The following FAXC variants were observed in gnomAD, a reference collection of about 807,000 sequenced individuals.
FAXC encodes failed axon connections homolog.
FAXC carries 10 observed loss-of-function variants against 41.9 expected under a neutral mutation model. That is an observed-to-expected ratio of 0.24 (90% CI 0.15 to 0.41). The LOEUF is 0.41. FAXC is among the 10% of genes least tolerant of loss of function. The pLI, the probability that FAXC is intolerant of heterozygous loss-of-function variation, is 1.00. For missense variants in FAXC, 399 were observed against 510.9 expected, an observed-to-expected ratio of 0.78 and a Z score of 2.11; for synonymous variants, 183 against 183.8, an observed-to-expected ratio of 1.00 and a Z score of 0.03.
At chr6:99,330,771 C>T (rs929662810) in intron 3 of FAXC, among the ~76,000 whole-genome samples, 6 of 152,176 alleles carry the variant, frequency 3.9e-5, no homozygotes, top group East Asian at 1.9e-4. Context: ...CAAGATATCA[C>T]GGAAAGCTCA....
intron 4 of FAXC, among the ~76,000 whole-genome samples, chr6:99,315,645 C>G (rs570952494): frequency 6.6e-6 from 1 of 152,198 alleles, no homozygotes; most frequent in South Asian, 2.1e-4. Flanking sequence ...AAAATAACAT[C>G]GCAGTTTCCA....
Position 99,278,428 on chromosome 6 carries a change from G to C in FAXC, c.*2736C>G, listed in dbSNP as rs1770706529. The stretch of plus-strand genomic sequence containing the variant: ...TAACATTAAAGATCACATACTTCAA[G>C]TTACCTTCCAGCAAAAAGGAAACAC... On this transcript the variant is annotated 3_prime_UTR_variant, in exon 6 of 6. Coordinates refer to ENST00000389677, the MANE Select transcript of FAXC (RefSeq NM_032511.4). 6.6e-6 allele frequency: 1 copy of C among 152,174 alleles called. No individual in the cohort carries two copies. The highest frequency in any genetic ancestry group is 6.5e-5 in the Admixed American group (1 of 15,272). The allele number at this position is 152,174 out of a possible 1,614,324, so 9.4% of individuals were successfully genotyped here.
rs1770824209 is a variant in FAXC, at chr6:99,281,322, G to C, written c.1072C>G (p.Leu358Val). Residue 358 changes from leucine to valine, a missense_variant, in exon 6 of 6, where the codon CTG (leucine) becomes GTG (valine). Coordinates refer to ENST00000389677, the MANE Select transcript of FAXC (RefSeq NM_032511.4). Reference protein sequence around the residue: ...SSEGSKTHTPLLDFSFYSRTE... With the variant: ...SSEGSKTHTPVLDFSFYSRTE... ...CTTGAGTAAAAGCTAAAATCCAGCA[G>C]CGGGGTGTGGGTTTTGCTGCCTTCG... The C allele has an allele frequency of 6.2e-7, 1 of 1,614,092 alleles. No homozygotes were observed. The highest frequency in any genetic ancestry group is 1.3e-5 in the African/African-American group (1 of 74,936).
In FAXC at chr6:99,277,634, G is replaced by C. The variant is rs1409024243; in HGVS notation, c.*3530C>G. The C allele has an allele frequency of 6.6e-6, 1 of 152,246 alleles. No individual in the cohort carries two copies. Among genetic ancestry groups the C allele is most frequent in the African/African-American group, 2.4e-5 (1 of 41,442 alleles). 9.4% of individuals were successfully genotyped at this position (152,246 alleles called of 1,614,324 possible). ...AGGCTGACAGGACATGGACAAAAGCGAAGTAGGATTCCAACCAGGGAATGG... is the reference window on the plus strand; with the variant it reads ...AGGCTGACAGGACATGGACAAAAGCCAAGTAGGATTCCAACCAGGGAATGG... On this transcript the variant is annotated 3_prime_UTR_variant, in exon 6 of 6. Coordinates refer to ENST00000389677, the MANE Select transcript of FAXC (RefSeq NM_032511.4).
rs752781781 is a variant in FAXC, at chr6:99,349,341, C to G, written c.32G>C (p.Arg11Thr). MHWGVGFASS[R>T]PCVVDLSWNQ... ...CCAGCTCAGATCCACCACGCACGGC[C>G]TGGACGAAGCAAAGCCAACCCCCCA... The change falls in exon 1 of 6, where the codon AGG (arginine) becomes ACG (threonine). Residue 11 changes from arginine (R) to threonine (T), a missense_variant. Coordinates refer to ENST00000389677, the MANE Select transcript of FAXC (RefSeq NM_032511.4). 4 of 1,612,562 alleles carry G rather than the reference C, an allele frequency of 2.5e-6. No individual in the cohort carries two copies. The African/African-American group carries it at 4.0e-5, about 16-fold the overall frequency.
chr6:99,311,260 A>G (rs2128456557), intron 4 of FAXC, among the ~76,000 whole-genome samples: 1 of 152,080 alleles, frequency 6.6e-6, no homozygotes, highest in East Asian at 1.9e-4. Context: ...AAATGACTCT[A>G]CTCTTCTCCC....
At chr6:99,318,943 C>T (rs1772478990) in intron 4 of FAXC, among the ~76,000 whole-genome samples, 1 of 152,178 alleles carries the variant, frequency 6.6e-6, no homozygotes, top group African/African-American at 2.4e-5. Context: ...ATTTTCATGT[C>T]TTCTTTGCTC....
At position 99,300,805 on chromosome 6, in the gene FAXC, T is replaced by G. The variant is rs376975606; in HGVS notation, c.824-8985A>C. On this transcript the variant is annotated intron_variant, in intron 4 of 5. Coordinates refer to ENST00000389677, the MANE Select transcript of FAXC (RefSeq NM_032511.4). ...AAAGACTATCTGGTAGCCACCAAATTCTGGTTAACGAAACACCACATCAGA... is the reference window on the plus strand; with the variant it reads ...AAAGACTATCTGGTAGCCACCAAATGCTGGTTAACGAAACACCACATCAGA... Among the ~76,000 whole-genome samples the G allele has an allele frequency of 2.0e-5, 3 of 152,228 alleles. No individual in the cohort carries two copies. In the East Asian group the frequency reaches 5.8e-4, roughly 29 times the overall value.
intron 3 of FAXC, among the ~76,000 whole-genome samples, chr6:99,329,133 G>A (rs1772934872): frequency 6.6e-6 from 1 of 152,180 alleles, no homozygotes; most frequent in Admixed American, 6.5e-5. Flanking sequence ...GGGTCAATTT[G>A]GAAAGCTGAC....
In FAXC at chr6:99,276,221, C is replaced by A. The variant is rs146419929; in HGVS notation, c.*4943G>T. 2.6e-5 allele frequency: 4 copies of A among 151,248 alleles called. No individual in the cohort carries two copies. The highest frequency in any genetic ancestry group is 6.6e-5 in the Admixed American group (1 of 15,200). 9.4% of individuals were successfully genotyped at this position (151,248 alleles called of 1,614,324 possible). A position where few individuals can be genotyped will look rare whatever the true frequency, so the allele number is the denominator to read the frequency against. ...TTCCCTATCAACAAAAGCCACCAAC[C>A]TTTTATTGAAAATACACTCAACAAT... On this transcript the variant is annotated 3_prime_UTR_variant, in exon 6 of 6. Coordinates refer to ENST00000389677, the MANE Select transcript of FAXC (RefSeq NM_032511.4).
intron 4 of FAXC, among the ~76,000 whole-genome samples, chr6:99,311,667 A>C (rs1168030464): frequency 2.0e-5 from 3 of 152,186 alleles, no homozygotes; most frequent in Non-Finnish European, 4.4e-5. Context: ...ACATCTCACC[A>C]TCTGTAAAAA....
Position 99,323,573 on chromosome 6 carries a change from A to G in FAXC, c.694T>C (p.Trp232Arg). 6.2e-7 allele frequency: 1 copy of G among 1,614,118 alleles called. No homozygotes were observed. Among genetic ancestry groups the G allele is most frequent in the Non-Finnish European group, 8.5e-7 (1 of 1,180,014 alleles). ...GGGPFSNLLR[W>R]VVCHITKGIV... ...CCTTTCGTTATGTGGCACACAACCC[A>G]CCTCAGCAGGTTGCTGAAGGGACCA... The change falls in exon 4 of 6, where the codon TGG becomes CGG. Residue 232 changes from tryptophan to arginine, a missense_variant. This residue lies in a region of FAXC where 239 missense variants were observed against 352.7 expected (regional missense o/e 0.68). Transcript: ENST00000389677.
intron 2 of FAXC, among the ~76,000 whole-genome samples, chr6:99,333,931 C>G (rs1396350262): frequency 6.6e-6 from 1 of 152,122 alleles, no homozygotes; most frequent in East Asian, 1.9e-4. Context: ...TCAATATAAA[C>G]CACAAGGAGG....
At position 99,273,568 on chromosome 6, in the gene FAXC, A is replaced by G. The variant is rs919344082; in HGVS notation, c.*7596T>C. The G allele has an allele frequency of 1.3e-5, 2 of 150,202 alleles. No homozygotes were observed. The highest frequency in any genetic ancestry group is 3.0e-5 in the Non-Finnish European group (2 of 67,764). 9.3% of individuals were successfully genotyped at this position (150,202 alleles called of 1,614,324 possible). On this transcript the variant is annotated 3_prime_UTR_variant, in exon 6 of 6. Coordinates refer to ENST00000389677, the MANE Select transcript of FAXC (RefSeq NM_032511.4). ...TGGTCCCAAAAGCAGAATTAAAAAC[A>G]TCAGTCTTAAAGGTGACATCAAATT...
chr6:99,319,961 CT>C (rs1772532384), intron 4 of FAXC, among the ~76,000 whole-genome samples: 1 of 152,146 alleles, frequency 6.6e-6, no homozygotes, highest in East Asian at 1.9e-4. Context: ...TCTATAAATA[CT>C]AATTTTGTCT....
intron 5 of FAXC, 75 bp from the exon 6 acceptor site, chr6:99,281,528 C>CA: frequency 8.6e-7 from 1 of 1,167,650 alleles, no homozygotes; most frequent in Non-Finnish European, 1.2e-6. Context: ...TGTGTTGCCC[C>CA]AAAACTCCAA....
intron 5 of FAXC, among the ~76,000 whole-genome samples, chr6:99,290,437 C>T (rs937860172): frequency 6.6e-6 from 1 of 152,080 alleles, no homozygotes; most frequent in Non-Finnish European, 1.5e-5. Flanking sequence ...CGTGGTGGCT[C>T]ATGCCTGTAA....
At chr6:99,282,851 A>G (rs886214168) in intron 5 of FAXC, among the ~76,000 whole-genome samples, 1 of 152,246 alleles carries the variant, frequency 6.6e-6, no homozygotes, top group Non-Finnish European at 1.5e-5. Context: ...CGCATTCCCC[A>G]TAACATTTTC....
rs142588738 is a variant in FAXC, at chr6:99,278,400, T to C, written c.*2764A>G. 6.6e-5 allele frequency: 10 copies of C among 152,194 alleles called. No individual in the cohort carries two copies. Among genetic ancestry groups the C allele is most frequent in the African/African-American group, 2.4e-4 (10 of 41,438 alleles). 9.4% of individuals were successfully genotyped at this position (152,194 alleles called of 1,614,324 possible). On this transcript the variant is annotated 3_prime_UTR_variant, in exon 6 of 6. Transcript: ENST00000389677. ...GGTCTGTTGTCCAACCAAAAGCATCTGTTAACATTAAAGATCACATACTTC... is the reference window on the plus strand; with the variant it reads ...GGTCTGTTGTCCAACCAAAAGCATCCGTTAACATTAAAGATCACATACTTC...
Sources: gnomAD v4.1 joint callset for allele counts (sites outside exome capture counted in the v4.1 genomes callset) on GRCh38, gnomAD v4.1.1 for gene constraint, gnomAD v4.1.1 regional missense constraint, MANE v1.5 for transcripts, NCBI Gene and HGNC (gene_info 2026-07-23, HGNC 2026-07-21) for gene names.